The following RSU1 variants were observed in gnomAD, a reference collection of about 807,000 sequenced individuals.
RSU1 encodes the protein Ras suppressor protein 1.
A neutral mutation model predicts 31.1 loss-of-function variants in RSU1; 26 were observed. That is an observed-to-expected ratio of 0.84 (90% CI 0.61 to 1.16). The LOEUF is 1.16. Ranked by LOEUF, RSU1 falls within the 50% of genes most tolerant of loss-of-function variation. The probability of loss-of-function intolerance (pLI) is 0.00; values close to 1 mark genes in which losing one functional copy is unlikely to be tolerated. For missense variants in RSU1, 320 were observed against 339.1 expected (o/e 0.94, Z 0.44); for synonymous variants, 164 against 136.3 (o/e 1.20, Z -1.41).
intron 7 of RSU1, among the ~76,000 whole-genome samples, chr10:16,698,433 C>T (rs1368185849): frequency 3.3e-5 from 5 of 152,162 alleles, no homozygotes; most frequent in Non-Finnish European, 5.9e-5. Flanking sequence ...CACACAGCCT[C>T]TTGTTAACTT....
intron 8 of RSU1, among the ~76,000 whole-genome samples, chr10:16,682,079 C>A (rs750634041): frequency 4.6e-5 from 7 of 152,080 alleles, no homozygotes; most frequent in South Asian, 4.2e-4. Flanking sequence ...TTGATGCTAC[C>A]CACCAATCCA....
intron 7 of RSU1, among the ~76,000 whole-genome samples, chr10:16,700,109 A>C (rs906575149): frequency 6.6e-6 from 1 of 152,190 alleles, no homozygotes; most frequent in Non-Finnish European, 1.5e-5. Flanking sequence ...TCACACTCTA[A>C]GAATTCTTCC....
In RSU1 at chr10:16,592,270, A is replaced by G. The variant is rs575073703; in HGVS notation, c.*1124T>C. 5.3e-5 allele frequency: 8 copies of G among 152,290 alleles called. No homozygotes were observed. The highest frequency in any genetic ancestry group is 1.7e-4 in the African/African-American group (7 of 41,566). The allele number at this position is 152,290 out of a possible 1,614,324, so 9.4% of individuals were successfully genotyped here. A position where few individuals can be genotyped will look rare whatever the true frequency, so the allele number is the denominator to read the frequency against. On this transcript the variant is annotated 3_prime_UTR_variant, in exon 9 of 9. Transcript: ENST00000345264. ...CCCAGGCCATTTGAAAAGACGGTGC[A>G]TCTTCACATACCATTTTTTTTGTGT...
intron 7 of RSU1, among the ~76,000 whole-genome samples, chr10:16,729,020 T>C (rs1425057909): frequency 2.6e-5 from 4 of 152,228 alleles, no homozygotes; most frequent in South Asian, 4.1e-4. Context: ...TTTGTGCTCA[T>C]TGTTTATAGC....
At chr10:16,771,496 G>A (rs950904293) in intron 3 of RSU1, among the ~76,000 whole-genome samples, 6 of 152,112 alleles carry the variant, frequency 3.9e-5, no homozygotes, top group African/African-American at 7.2e-5. Flanking sequence ...CATACATGCC[G>A]ATTCTTTCAG....
chr10:16,675,245 G>A (rs933622876), intron 8 of RSU1, among the ~76,000 whole-genome samples: 2 of 150,858 alleles, frequency 1.3e-5, no homozygotes, highest in African/African-American at 4.9e-5. Context: ...AAAGCTGTTA[G>A]TGTTAAAAGA....
intron 8 of RSU1, among the ~76,000 whole-genome samples, chr10:16,692,082 T>G (rs1835567896): frequency 6.6e-6 from 1 of 152,138 alleles, no homozygotes; most frequent in South Asian, 2.1e-4. Flanking sequence ...AATGTTGACT[T>G]AACTGCATAA....
intron 7 of RSU1, among the ~76,000 whole-genome samples, chr10:16,742,477 CTTTT>C (rs372889489): frequency 6.6e-6 from 1 of 150,916 alleles, no homozygotes; most frequent in African/African-American, 2.4e-5. Flanking sequence ...TATAACCTTG[CTTTT>C]TTTTTCTTTT....
At chr10:16,706,467 G>A (rs993166412) in intron 7 of RSU1, among the ~76,000 whole-genome samples, 1 of 152,128 alleles carries the variant, frequency 6.6e-6, no homozygotes, top group Non-Finnish European at 1.5e-5. Flanking sequence ...TGTTGCTGCT[G>A]TTGAGTTTTA....
At chr10:16,623,799 G>GT (rs1834112160) in intron 8 of RSU1, among the ~76,000 whole-genome samples, 1 of 152,088 alleles carries the variant, frequency 6.6e-6, no homozygotes, top group South Asian at 2.1e-4. Context: ...TTTCATGTTT[G>GT]TTGGCCCCTC....
chr10:16,690,061 G>A (rs1022509922), intron 8 of RSU1, among the ~76,000 whole-genome samples: 3 of 152,148 alleles, frequency 2.0e-5, no homozygotes, highest in African/African-American at 7.2e-5. Flanking sequence ...GTTCCTTGAT[G>A]GAAATGTGCA....
chr10:16,814,071 A>G (rs911769321), intron 2 of RSU1, among the ~76,000 whole-genome samples: 9 of 152,254 alleles, frequency 5.9e-5, no homozygotes, highest in African/African-American at 2.2e-4. Context: ...TTCTCTGTAC[A>G]TACAAGTTTA....
intron 8 of RSU1, among the ~76,000 whole-genome samples, chr10:16,611,311 G>A (rs531438795): frequency 1.1e-4 from 17 of 152,316 alleles, no homozygotes; most frequent in Admixed American, 3.9e-4. Flanking sequence ...TGGCCAGGAG[G>A]AGGGACGTCC....
At chr10:16,810,877 C>T (rs1838394098) in intron 2 of RSU1, among the ~76,000 whole-genome samples, 1 of 151,956 alleles carries the variant, frequency 6.6e-6, no homozygotes, top group South Asian at 2.1e-4. Flanking sequence ...CAAAAATTTG[C>T]CGGCAGTGGT....
At chr10:16,790,221 T>C (rs749737528) in intron 2 of RSU1, among the ~76,000 whole-genome samples, 62 of 152,188 alleles carry the variant, frequency 4.1e-4, no homozygotes, top group Non-Finnish European at 7.6e-4. Context: ...GGATATTTAC[T>C]GATCACACTC....
intron 7 of RSU1, among the ~76,000 whole-genome samples, chr10:16,734,491 C>T (rs549491890): frequency 1.3e-5 from 2 of 152,166 alleles, no homozygotes; most frequent in East Asian, 3.9e-4. Context: ...AGGGCACATG[C>T]GTGGATATGG....
chr10:16,807,860 A>T (rs915834487), intron 2 of RSU1, among the ~76,000 whole-genome samples: 5 of 151,964 alleles, frequency 3.3e-5, no homozygotes, highest in Non-Finnish European at 7.4e-5. Context: ...CGTCTCTACG[A>T]AAAATACAAA....
chr10:16,817,156 C>T, intron 1 of RSU1, 72 bp from the exon 2 acceptor site: 2 of 1,071,244 alleles, frequency 1.9e-6, no homozygotes, highest in South Asian at 1.3e-5. Flanking sequence ...GAGGCCTTCG[C>T]TGCCACTCTG....
At chr10:16,732,311 C>G (rs1383014164) in intron 7 of RSU1, among the ~76,000 whole-genome samples, 3 of 152,164 alleles carry the variant, frequency 2.0e-5, no homozygotes, top group Non-Finnish European at 4.4e-5. Flanking sequence ...GTATTTATGA[C>G]CCCTCCAAAT....
Sources: allele counts gnomAD v4.1 joint callset (sites outside exome capture counted in the v4.1 genomes callset), GRCh38; gene constraint gnomAD v4.1.1; transcripts MANE v1.5; gene names NCBI Gene and HGNC (gene_info 2026-07-23, HGNC 2026-07-21).